Variants in NCKAP5 observed in about 807,000 individuals in gnomAD.
The protein encoded by NCKAP5 is nck-associated protein 5.
A neutral mutation model predicts 167.0 loss-of-function variants in NCKAP5; 92 were observed. That is an observed-to-expected ratio of 0.55 (90% confidence interval 0.47 to 0.66). NCKAP5 has a LOEUF of 0.66. NCKAP5 is among the 30% of genes least tolerant of loss of function. The pLI, the probability that NCKAP5 is intolerant of heterozygous loss-of-function variation, is 0.00. For synonymous variants in NCKAP5, 891 were observed against 877.4 expected (o/e 1.02, Z -0.27); for missense variants, 2,378 against 2,315.0 (o/e 1.03, Z -0.56).
chr2:133,646,091 TG>T, the NCKAP5 span, among the ~76,000 whole-genome samples: 5 of 152,186 alleles, frequency 3.3e-5, no homozygotes, highest in African/African-American at 1.2e-4. Flanking sequence ...TATGTGTATG[TG>T]TATAGGTATA....
chr2:133,138,252 G>T (rs1559180645), intron 5 of NCKAP5, among the ~76,000 whole-genome samples: 2 of 152,120 alleles, frequency 1.3e-5, no homozygotes, highest in African/African-American at 2.4e-5. Context: ...TCCCACAAAG[G>T]TCTGGCACGT....
intron 11 of NCKAP5, among the ~76,000 whole-genome samples, chr2:132,806,469 G>A (rs1472879824): frequency 6.6e-6 from 1 of 152,026 alleles, no homozygotes; most frequent in Non-Finnish European, 1.5e-5. Context: ...ATTCTTGCAG[G>A]AGTAAGGTGG....
At chr2:133,011,650 G>C (rs1468912902) in intron 6 of NCKAP5, among the ~76,000 whole-genome samples, 1 of 152,214 alleles carries the variant, frequency 6.6e-6, no homozygotes, top group South Asian at 2.1e-4. Flanking sequence ...CTTCAATAGA[G>C]AGCCTTCATT....
intron 11 of NCKAP5, among the ~76,000 whole-genome samples, chr2:132,815,165 A>G (rs1310921802): frequency 6.6e-6 from 1 of 152,210 alleles, no homozygotes; most frequent in Non-Finnish European, 1.5e-5. Context: ...TTCAAGATGC[A>G]AAGTTATCTT....
chr2:132,937,002 G>C (rs1371240980), intron 8 of NCKAP5, among the ~76,000 whole-genome samples: 1 of 152,142 alleles, frequency 6.6e-6, no homozygotes, highest in East Asian at 1.9e-4. Flanking sequence ...ATCATCAAGG[G>C]AAGAGCCCCA....
At chr2:132,972,587 C>T (rs910523587) in intron 7 of NCKAP5, among the ~76,000 whole-genome samples, 21 of 151,974 alleles carry the variant, frequency 1.4e-4, no homozygotes, top group Admixed American at 2.6e-4. Flanking sequence ...ATTGGCCAGG[C>T]ATGGTGGCTC....
intron 3 of NCKAP5, among the ~76,000 whole-genome samples, chr2:133,466,230 C>G (rs1476243594): frequency 1.7e-4 from 25 of 147,574 alleles, no homozygotes; most frequent in Admixed American, 2.7e-4. Flanking sequence ...CTACATATGG[C>G]TAGCCAGTTT....
At chr2:132,848,684 C>G (rs576607397) in intron 11 of NCKAP5, among the ~76,000 whole-genome samples, 5 of 152,024 alleles carry the variant, frequency 3.3e-5, no homozygotes, top group Non-Finnish European at 4.4e-5. Flanking sequence ...GCCTGCTGTG[C>G]GTGGTGTGCA....
At chr2:133,534,226 T>A (rs1454501909) in intron 2 of NCKAP5, among the ~76,000 whole-genome samples, 24 of 152,216 alleles carry the variant, frequency 1.6e-4, no homozygotes. Context: ...AAAAATGAAG[T>A]AAGCAATCTC....
chr2:132,873,562 C>A lies in NCKAP5; in HGVS notation c.649-4588G>T, dbSNP rs186133113. ...TGTATTATTCATTTACTTTGTGAAA[C>A]AATCCTGTAAGATAGAAACAAGAAA... On this transcript the variant is annotated intron_variant, in intron 9 of 19. Transcript: ENST00000409261. Among the ~76,000 whole-genome samples the A allele has an allele frequency of 3.5e-3, 539 of 152,220 alleles. 3 individuals carry two copies. The highest frequency in any genetic ancestry group is 0.013 in the African/African-American group (525 of 41,536).
At chr2:133,464,776 A>G (rs1326626429) in intron 3 of NCKAP5, among the ~76,000 whole-genome samples, 2 of 152,162 alleles carry the variant, frequency 1.3e-5, no homozygotes, top group African/African-American at 4.8e-5. Context: ...TGAGGAGTAG[A>G]AAACTTGGAT....
At chr2:133,561,432 T>C (rs1166541236) in intron 1 of NCKAP5, among the ~76,000 whole-genome samples, 2 of 152,264 alleles carry the variant, frequency 1.3e-5, no homozygotes, top group African/African-American at 4.8e-5. Flanking sequence ...AGCATTCATT[T>C]AGTGGTTCAT....
At chr2:133,558,119 T>A (rs1215015647) in intron 2 of NCKAP5, 2 of 152,284 alleles carry the variant, frequency 1.3e-5, no homozygotes, top group Non-Finnish European at 2.9e-5. Flanking sequence ...TACTCTCCAC[T>A]CTACCATGCT....
At chr2:133,671,192 G>T in the NCKAP5 span, among the ~76,000 whole-genome samples, 1 of 128,394 alleles carries the variant, frequency 7.8e-6, no homozygotes, top group African/African-American at 3.2e-5. Flanking sequence ...TCCAGCCTGG[G>T]CAACATAGCA....
At chr2:133,005,526 T>C (rs1405504387) in intron 6 of NCKAP5, among the ~76,000 whole-genome samples, 1 of 152,244 alleles carries the variant, frequency 6.6e-6, no homozygotes, top group Non-Finnish European at 1.5e-5. Flanking sequence ...TAAAAAGGTC[T>C]TCAAAATAAT....
At chr2:133,205,002 C>T (rs539081476) in intron 5 of NCKAP5, among the ~76,000 whole-genome samples, 1 of 152,210 alleles carries the variant, frequency 6.6e-6, no homozygotes, top group East Asian at 1.9e-4. Context: ...TAAATTGTCA[C>T]AGCAAGCCAG....
intron 4 of NCKAP5, among the ~76,000 whole-genome samples, chr2:133,214,605 T>C (rs953224052): frequency 5.3e-5 from 8 of 152,188 alleles, no homozygotes; most frequent in African/African-American, 1.9e-4. Flanking sequence ...TTTAGAATAC[T>C]TTTGTAAAGT....
intron 8 of NCKAP5, among the ~76,000 whole-genome samples, chr2:132,912,222 G>A (rs72994809): frequency 0.012 from 1,872 of 152,240 alleles, 50 homozygotes; most frequent in African/African-American, 0.042. Flanking sequence ...CCAAGCTCTC[G>A]CTCTCTGTGG....
intron 5 of NCKAP5, among the ~76,000 whole-genome samples, chr2:133,200,298 T>C (rs1371009872): frequency 6.6e-6 from 1 of 152,046 alleles, no homozygotes; most frequent in African/African-American, 2.4e-5. Flanking sequence ...GTAATAGAAT[T>C]CAAAGTTCAG....
Sources: gnomAD v4.1 joint callset for allele counts (sites outside exome capture counted in the v4.1 genomes callset) on GRCh38, gnomAD v4.1.1 for gene constraint, MANE v1.5 for transcripts, NCBI Gene and HGNC (gene_info 2026-07-23, HGNC 2026-07-21) for gene names.